The following TRPM1 variants were observed in gnomAD, a reference collection of about 807,000 sequenced individuals.
TRPM1 encodes TRPM1-203 APA Isoform, Intron 10.
In TRPM1, 113 loss-of-function variants were observed where a neutral mutation model predicts 149.4. The ratio of observed to expected loss-of-function variants is 0.76; its 90% confidence interval spans 0.65 to 0.88. The LOEUF is 0.88. TRPM1 is among the 40% of genes least tolerant of loss of function. TRPM1 has a pLI of 0.00. For missense variants in TRPM1, 1,976 were observed against 2,038.7 expected (o/e 0.97, Z 0.59); for synonymous variants, 741 against 759.5 (o/e 0.98, Z 0.40).
chr15:31,068,830 T>C (rs2034453813), intron 4 of TRPM1, among the ~76,000 whole-genome samples: 1 of 150,844 alleles, frequency 6.6e-6, no homozygotes, highest in Non-Finnish European at 1.5e-5. Flanking sequence ...GAAGGTGCTA[T>C]CTATGAAGCA....
chr15:31,158,835 A>T (rs2036410558), intron 1 of TRPM1, among the ~76,000 whole-genome samples: 1 of 152,148 alleles, frequency 6.6e-6, no homozygotes, highest in South Asian at 2.1e-4. Context: ...AATCAATATT[A>T]TCATCTTTAA....
At position 31,040,348 on chromosome 15, in the gene TRPM1, T is replaced by TG. The variant is rs752406887; in HGVS notation, c.2088-3dup. 2 of 1,613,294 alleles carry TG rather than the reference T, an allele frequency of 1.2e-6. No individual in the cohort carries two copies. Among genetic ancestry groups the TG allele is most frequent in the African/African-American group, 1.3e-5 (1 of 74,886 alleles). On this transcript the variant is annotated splice_region_variant and splice_polypyrimidine_tract_variant and intron_variant, in intron 17 of 27. Coordinates refer to ENST00000256552, the MANE Select transcript of TRPM1 (RefSeq NM_001252024.2). The surrounding 1 kb of genome is among the most constrained non-coding windows in gnomAD (Gnocchi z 4.2). ...TCCAAAGCAAGCTGGCCGAAGTCTC[T>TG]GGGGGGAAAGAGAAGGGACCAGGGT...
chr15:31,045,199 C>T (rs563749823), intron 16 of TRPM1, among the ~76,000 whole-genome samples: 1 of 152,316 alleles, frequency 6.6e-6, no homozygotes, highest in South Asian at 2.1e-4. Flanking sequence ...AAGCCGTCTA[C>T]ACTGAATCCA....
chr15:31,154,818 C>T (rs1365923396), intron 1 of TRPM1, among the ~76,000 whole-genome samples: 1 of 152,120 alleles, frequency 6.6e-6, no homozygotes, highest in Non-Finnish European at 1.5e-5. Context: ...TACACTGGCT[C>T]ATCTGATCTT....
Position 31,040,409 on chromosome 15 carries a change from G to T in TRPM1, c.2088-63C>A. 7.1e-7 allele frequency: 1 copy of T among 1,398,988 alleles called. No homozygotes were observed. The highest frequency in any genetic ancestry group is 1.0e-6 in the Non-Finnish European group (1 of 987,862). 86.7% of individuals were successfully genotyped at this position (1,398,988 alleles called of 1,614,324 possible). A position where few individuals can be genotyped will look rare whatever the true frequency, so the allele number is the denominator to read the frequency against. On this transcript the variant is annotated intron_variant, in intron 17 of 27. Coordinates refer to ENST00000256552, the MANE Select transcript of TRPM1 (RefSeq NM_001252024.2). This position sits in a 1 kb window ranked among gnomAD's most constrained non-coding sequence, Gnocchi z 4.2. ...TGGCCGCAAGCTGTTTCTTAGACAG[G>T]CATATCCACCAAGGACTTATGGAGC...
intron 1 of TRPM1, among the ~76,000 whole-genome samples, chr15:31,114,185 A>G (rs760287299): frequency 1.3e-5 from 2 of 152,124 alleles, no homozygotes. Flanking sequence ...CCATCCTCCA[A>G]AAGGCCCCAG....
Position 31,001,240 on chromosome 15 carries a change from A to G in TRPM1, c.*582T>C, listed in dbSNP as rs1385477016. 1 of 151,788 alleles carries G rather than the reference A, an allele frequency of 6.6e-6. No individual in the cohort carries two copies. Among genetic ancestry groups the G allele is most frequent in the Non-Finnish European group, 1.5e-5 (1 of 68,040 alleles). 9.4% of individuals were successfully genotyped at this position (151,788 alleles called of 1,614,324 possible). ...ACATATTTGTGGCTCCTTCCCACTT[A>G]TTGTGCCTCACAATTTTATTTTTCT... On this transcript the variant is annotated 3_prime_UTR_variant, in exon 28 of 28. Transcript: ENST00000256552.
chr15:31,113,409 G>T (rs890937284), intron 1 of TRPM1, among the ~76,000 whole-genome samples: 1 of 148,036 alleles, frequency 6.8e-6, no homozygotes. Context: ...TATGCATACA[G>T]AATTCAATAC....
At chr15:31,103,293 A>G (rs1466310172), upstream of TRPM1, among the ~76,000 whole-genome samples, 2 of 152,236 alleles carry the variant, frequency 1.3e-5, no homozygotes, top group Non-Finnish European at 2.9e-5. Flanking sequence ...GTGGCCTGCA[A>G]CTGGGAGCTG....
intron 1 of TRPM1, among the ~76,000 whole-genome samples, chr15:31,137,931 G>C (rs2036110962): frequency 6.6e-6 from 1 of 152,082 alleles, no homozygotes; most frequent in South Asian, 2.1e-4. Flanking sequence ...TGAAGAATTT[G>C]GGATCTCAAC....
chr15:31,124,985 C>G (rs1398075099), intron 1 of TRPM1, among the ~76,000 whole-genome samples: 2 of 151,894 alleles, frequency 1.3e-5, no homozygotes, highest in East Asian at 1.9e-4. Flanking sequence ...ACCAGCCTGG[C>G]CAACATGGTG....
intron 1 of TRPM1, among the ~76,000 whole-genome samples, chr15:31,088,372 C>G (rs10438316): frequency 6.6e-6 from 1 of 152,110 alleles, no homozygotes; most frequent in Admixed American, 6.5e-5. Flanking sequence ...GTTCTTTCTC[C>G]CTTGGCAATA....
At chr15:31,073,993 T>C (rs2034626247) in intron 3 of TRPM1, among the ~76,000 whole-genome samples, 1 of 152,130 alleles carries the variant, frequency 6.6e-6, no homozygotes, top group Non-Finnish European at 1.5e-5. Flanking sequence ...TGATATGCTA[T>C]ATTACATTAT....
Position 31,026,256 on chromosome 15 carries a change from T to A in TRPM1, c.3512A>T (p.Asp1171Val), listed in dbSNP as rs766269947. Residue 1171 changes from aspartate (D) to valine (V), a missense_variant, in exon 27 of 28, where the codon GAC becomes GTC. Physicochemically the swap from Asp to Val is radical, Grantham distance 152. This residue lies in a region of TRPM1 where 572 missense variants were observed against 578.9 expected (regional missense o/e 0.99). Transcript: ENST00000256552. ...RDRGLKLFLSDEELKRLHEFE... is the reference protein window; with the variant it reads ...RDRGLKLFLSVEELKRLHEFE... ...CTCATGCAGCCTCTTTAGCTCCTCG[T>A]CGCTAAGGAAGAGCTCTGTGTGAAG... 1 of 1,611,298 alleles carries A rather than the reference T, an allele frequency of 6.2e-7. No individual in the cohort carries two copies. The highest frequency in any genetic ancestry group is 1.1e-5 in the South Asian group (1 of 91,086).
Position 31,060,588 on chromosome 15 carries a change from C to A in TRPM1, c.1219G>T (p.Asp407Tyr). Residue 407 changes from aspartate to tyrosine, a missense_variant, in exon 11 of 28, where the codon GAC becomes TAC. Asp to Tyr is a radical substitution (Grantham distance 160). Around this residue, in one of 3 missense-constraint regions of TRPM1, gnomAD observed 1,332 missense variants for 1,347.1 expected, o/e 0.99. Coordinates refer to ENST00000256552, the MANE Select transcript of TRPM1 (RefSeq NM_001252024.2). The part of the protein sequence containing the change: ...LSLALAWNRV[D>Y]IARSQIFVFG... ...ACAAAGATCTGGCTTCGTGCTATGT[C>A]CACGCGGTTCCAAGCCAGTGCCAAG... The A allele has an allele frequency of 6.2e-7, 1 of 1,614,236 alleles. No homozygotes were observed. The highest frequency in any genetic ancestry group is 8.5e-7 in the Non-Finnish European group (1 of 1,180,048).
upstream of TRPM1, among the ~76,000 whole-genome samples, chr15:31,102,870 G>A (rs1175183529): frequency 6.6e-6 from 1 of 152,250 alleles, no homozygotes; most frequent in Non-Finnish European, 1.5e-5. Flanking sequence ...GACCGCAGCA[G>A]CCTCCCTGGC....
Position 31,079,081 on chromosome 15 carries a change from G to A in TRPM1, c.4-2097C>T, listed in dbSNP as rs553981090. 2.6e-5 allele frequency among the ~76,000 whole-genome samples: 4 copies of A among 152,278 alleles called. No individual in the cohort carries two copies. The South Asian group carries it at 8.3e-4, about 32-fold the overall frequency. ...CTTGTAGCACTGAGCTAAAATTAAA[G>A]TTATCAGTGTGAACTCATGGTTTGT... On this transcript the variant is annotated intron_variant, in intron 2 of 27. Transcript: ENST00000256552.
chr15:31,063,190 A>G lies in TRPM1; in HGVS notation c.893T>C (p.Val298Ala), dbSNP rs375316696. 1.6e-4 allele frequency: 258 copies of G among 1,614,100 alleles called. No homozygotes were observed. The highest frequency in any genetic ancestry group is 2.5e-6 in the Non-Finnish European group (3 of 1,180,046). ...ACGTCCGCTGCCATCACAAATCACC[A>G]CAGGGATGGGAGGCTCTTCTTGCAG... is the stretch of plus-strand genomic sequence containing the variant. The part of the protein sequence containing the change: ...EYLQEEPPIP[V>A]VICDGSGRAS... Residue 298 changes from valine (V) to alanine (A), a missense_variant, in exon 8 of 28, where the codon GTG becomes GCG. By Grantham distance (64) the Val-to-Ala change is moderately conservative. Around this residue, in one of 3 missense-constraint regions of TRPM1, gnomAD observed 1,332 missense variants for 1,347.1 expected, o/e 0.99. Transcript: ENST00000256552.
intron 1 of TRPM1, among the ~76,000 whole-genome samples, chr15:31,130,389 T>A (rs2036001762): frequency 6.6e-6 from 1 of 152,236 alleles, no homozygotes; most frequent in Non-Finnish European, 1.5e-5. Flanking sequence ...TAGGCTGAAC[T>A]AACTTTGGGA....
Sources: allele counts gnomAD v4.1 joint callset (sites outside exome capture counted in the v4.1 genomes callset), GRCh38; gene constraint gnomAD v4.1.1; regional missense constraint gnomAD v4.1.1; non-coding constraint Gnocchi (gnomAD v3.1); transcripts MANE v1.5; gene names NCBI Gene and HGNC (gene_info 2026-07-23, HGNC 2026-07-21).